The following SGCZ variants were observed in gnomAD, a reference collection of about 807,000 sequenced individuals.
SGCZ encodes sarcoglycan zeta, also known as zeta-sarcoglycan.
A neutral mutation model predicts 41.3 loss-of-function variants in SGCZ; 40 were observed. The ratio of observed to expected loss-of-function variants is 0.97; its 90% confidence interval spans 0.75 to 1.26. The LOEUF (loss-of-function observed/expected upper bound fraction) is 1.26. Among genes scored for constraint, SGCZ ranks in the 50% most tolerant of loss-of-function variants. The pLI is 0.00. For synonymous variants in SGCZ, 206 were observed against 137.5 expected, an observed-to-expected ratio of 1.50 and a Z score of -3.49; for missense variants, 552 against 369.8, an observed-to-expected ratio of 1.49 and a Z score of -4.04.
At chr8:14,997,112 A>G (rs1403170535) in intron 1 of SGCZ, among the ~76,000 whole-genome samples, 2 of 152,152 alleles carry the variant, frequency 1.3e-5, no homozygotes, top group Non-Finnish European at 2.9e-5. Flanking sequence ...CTGGCTAAGC[A>G]TTTACTCCAC....
intron 1 of SGCZ, among the ~76,000 whole-genome samples, chr8:15,158,507 T>C (rs893445817): frequency 6.6e-6 from 1 of 152,230 alleles, no homozygotes; most frequent in African/African-American, 2.4e-5. Context: ...TGATTTAATA[T>C]TTTTCATGAG....
At chr8:14,485,675 G>A (rs918270919) in intron 2 of SGCZ, among the ~76,000 whole-genome samples, 7 of 152,114 alleles carry the variant, frequency 4.6e-5, no homozygotes, top group African/African-American at 1.7e-4. Flanking sequence ...GGTTCTCACT[G>A]TAACAGAAGC....
chr8:14,090,212 C>T lies in SGCZ; in HGVS notation c.*231G>A. On this transcript the variant is annotated 3_prime_UTR_variant, in exon 8 of 8. Coordinates refer to ENST00000382080, the MANE Select transcript of SGCZ (RefSeq NM_139167.4). ...TCCCTTTCGAGCAAAAGTCATGATCCAGTTTTCCTGCTGACGACGCTTTTT... is the reference window on the plus strand; with the variant it reads ...TCCCTTTCGAGCAAAAGTCATGATCTAGTTTTCCTGCTGACGACGCTTTTT... The T allele has an allele frequency of 8.1e-6, 3 of 371,156 alleles. No individual in the cohort carries two copies. The highest frequency in any genetic ancestry group is 1.4e-5 in the Non-Finnish European group (3 of 208,540). The allele number at this position is 371,156 out of a possible 1,614,324, so 23.0% of individuals were successfully genotyped here.
At chr8:14,989,012 A>G (rs188047616) in intron 1 of SGCZ, among the ~76,000 whole-genome samples, 298 of 152,194 alleles carry the variant, frequency 2.0e-3, no homozygotes, top group Non-Finnish European at 3.6e-3. Flanking sequence ...ATGAAAAGCT[A>G]TTTCATGGGA....
chr8:14,122,761 T>C (rs1802739114), intron 5 of SGCZ, among the ~76,000 whole-genome samples: 1 of 152,174 alleles, frequency 6.6e-6, no homozygotes, highest in South Asian at 2.1e-4. Context: ...TAGGAATTCT[T>C]CTTTCTCCCT....
intron 2 of SGCZ, among the ~76,000 whole-genome samples, chr8:14,462,608 T>A (rs1298810459): frequency 6.6e-6 from 1 of 152,056 alleles, no homozygotes; most frequent in African/African-American, 2.4e-5. Context: ...TACCACACTA[T>A]TGATTACTGT....
At chr8:14,817,118 C>T (rs1801928010) in intron 1 of SGCZ, among the ~76,000 whole-genome samples, 2 of 152,188 alleles carry the variant, frequency 1.3e-5, no homozygotes, top group East Asian at 3.9e-4. Context: ...GTTATACCAA[C>T]ACTTCATTAC....
chr8:14,431,416 GCAAA>G (rs1451116942), intron 2 of SGCZ, among the ~76,000 whole-genome samples: 1 of 152,096 alleles, frequency 6.6e-6, no homozygotes, highest in Admixed American at 6.5e-5. Flanking sequence ...CTTTGACAAA[GCAAA>G]CAAAGACATG....
chr8:14,603,414 T>C (rs1365198943), intron 1 of SGCZ, among the ~76,000 whole-genome samples: 2 of 152,132 alleles, frequency 1.3e-5, no homozygotes, highest in Non-Finnish European at 2.9e-5. Flanking sequence ...TTGTTATCTA[T>C]ATAAAGATTT....
At chr8:14,556,561 A>G (rs776222705) in intron 1 of SGCZ, among the ~76,000 whole-genome samples, 1 of 151,950 alleles carries the variant, frequency 6.6e-6, no homozygotes, top group Non-Finnish European at 1.5e-5. Context: ...AATGAACCCA[A>G]TTTGTAGCCT....
At position 14,229,856 on chromosome 8, in the gene SGCZ, CCATT is replaced by C. The variant is rs142309008; in HGVS notation, c.424+7732_424+7735del. Reference sequence around the variant, plus strand: ...TAAAACCCTCATCTACATTTTTTCTCCATTCATTTAGGAACAAAAACATGTTTAT... The same window carrying C: ...TAAAACCCTCATCTACATTTTTTCTCCATTTAGGAACAAAAACATGTTTAT... On this transcript the variant is annotated intron_variant, in intron 4 of 7. Transcript: ENST00000382080. Among the ~76,000 whole-genome samples the C allele has an allele frequency of 8.9e-3, 1,354 of 152,054 alleles. 20 individuals are homozygous for C. The highest frequency in any genetic ancestry group is 0.031 in the African/African-American group (1,274 of 41,494).
intron 1 of SGCZ, among the ~76,000 whole-genome samples, chr8:14,850,943 TA>T (rs1803296675): frequency 6.6e-6 from 1 of 152,204 alleles, no homozygotes; most frequent in African/African-American, 2.4e-5. Flanking sequence ...GTGATTCAAT[TA>T]AACCTCTTTC....
chr8:14,415,077 G>A (rs9918924), intron 2 of SGCZ, among the ~76,000 whole-genome samples: 83,013 of 151,624 alleles, frequency 0.55, 24,093 homozygotes, highest in South Asian at 0.74. Flanking sequence ...ATGGGAGAGT[G>A]TTTTTACAAT....
At chr8:14,614,928 C>T (rs1367601035) in intron 1 of SGCZ, among the ~76,000 whole-genome samples, 1 of 151,986 alleles carries the variant, frequency 6.6e-6, no homozygotes, top group Non-Finnish European at 1.5e-5. Flanking sequence ...TATATTTTAT[C>T]ACTTTATATA....
intron 2 of SGCZ, among the ~76,000 whole-genome samples, chr8:14,366,414 T>C (rs1024269872): frequency 6.6e-6 from 1 of 152,128 alleles, no homozygotes; most frequent in Non-Finnish European, 1.5e-5. Context: ...GAGAACAGCA[T>C]GGGGGAAACC....
intron 1 of SGCZ, among the ~76,000 whole-genome samples, chr8:15,008,326 A>G (rs1451852622): frequency 1.3e-5 from 2 of 151,806 alleles, no homozygotes; most frequent in African/African-American, 4.8e-5. Context: ...AATGGTTGTG[A>G]TATTTTCATT....
chr8:14,451,358 G>C (rs1005299726), intron 2 of SGCZ, among the ~76,000 whole-genome samples: 3 of 152,182 alleles, frequency 2.0e-5, no homozygotes, highest in African/African-American at 7.2e-5. Context: ...ATTGTTAGCA[G>C]TGAAATCCAA....
At chr8:14,944,816 G>A (rs983929592) in intron 1 of SGCZ, among the ~76,000 whole-genome samples, 9 of 152,048 alleles carry the variant, frequency 5.9e-5, no homozygotes, top group African/African-American at 2.2e-4. Context: ...GTGTACTGAA[G>A]GCATATCCCT....
At chr8:14,687,641 G>A (rs1304118771) in intron 1 of SGCZ, among the ~76,000 whole-genome samples, 1 of 151,744 alleles carries the variant, frequency 6.6e-6, no homozygotes, top group Non-Finnish European at 1.5e-5. Context: ...TGTGAATAGT[G>A]CTGCAATAAA....
Sources: gnomAD v4.1 joint callset for allele counts (sites outside exome capture counted in the v4.1 genomes callset) on GRCh38, gnomAD v4.1.1 for gene constraint, MANE v1.5 for transcripts, NCBI Gene and HGNC (gene_info 2026-07-23, HGNC 2026-07-21) for gene names.